The following FANCB variants were observed in gnomAD, a reference collection of about 807,000 sequenced individuals.
The protein encoded by FANCB is Fanconi anemia group B protein.
FANCB carries 5 observed loss-of-function variants against 38.9 expected under a neutral mutation model. The ratio of observed to expected loss-of-function variants is 0.13; its 90% confidence interval spans 0.07 to 0.27. The LOEUF is 0.27. Among genes scored for constraint, FANCB ranks in the 10% least tolerant of loss-of-function variants. FANCB has a pLI of 1.00. For synonymous variants in FANCB, 236 were observed against 215.4 expected (o/e 1.10, Z -0.84); for missense variants, 573 against 602.7 (o/e 0.95, Z 0.52).
chrX:14,841,957 C>A (rs995238282), downstream of FANCB, among the ~76,000 whole-genome samples: 8 of 111,444 alleles, frequency 7.2e-5, no homozygotes, highest in African/African-American at 2.3e-4. Flanking sequence ...ACAATTAAAT[C>A]CTGTTTAGTT....
At chrX:14,739,611 A>T in the FANCB span, among the ~76,000 whole-genome samples, 1 of 112,119 alleles carries the variant, frequency 8.9e-6, no homozygotes, top group Non-Finnish European at 1.9e-5. Flanking sequence ...CATTAATAAC[A>T]TCTTCAGAGT....
At chrX:14,820,866 G>T in the FANCB span, among the ~76,000 whole-genome samples, 1 of 111,388 alleles carries the variant, frequency 9.0e-6, no homozygotes, top group African/African-American at 3.3e-5. Context: ...TGCTATTTTT[G>T]CAACTCATTG....
chrX:14,730,934 ACACACACACACAC>A, the FANCB span: 1 of 101,866 alleles, frequency 9.8e-6, no homozygotes, highest in Non-Finnish European at 2.0e-5. Context: ...ACACACACAC[ACACACACACACAC>A]ACAAACTTCA....
At chrX:14,690,659 T>TTCTC in the FANCB span, 42 of 773,492 alleles carry the variant, frequency 5.4e-5, no homozygotes, top group South Asian at 7.5e-4. Context: ...TAGTCTTTCT[T>TTCTC]TCTCTCTCTC....
chrX:14,803,729 G>A, the FANCB span, among the ~76,000 whole-genome samples: 342 of 110,819 alleles, frequency 3.1e-3, 1 homozygote, highest in African/African-American at 0.01. Flanking sequence ...GTTGGGGGAG[G>A]AGCATCACGT....
At chrX:14,833,185 A>T (rs1174970660), downstream of FANCB, among the ~76,000 whole-genome samples, 1 of 112,501 alleles carries the variant, frequency 8.9e-6, no homozygotes, top group African/African-American at 3.2e-5. Flanking sequence ...TGATGCAGGG[A>T]AATACTTTTG....
At position 14,865,296 on chromosome X, in the gene FANCB, G is replaced by C; in HGVS notation, c.215C>G (p.Ser72Cys). The C allele has an allele frequency of 1.7e-6, 2 of 1,158,639 alleles. No individual in the cohort carries two copies. The highest frequency in any genetic ancestry group is 2.3e-6 in the Non-Finnish European group (2 of 870,780). The change falls in exon 3 of 10, where the codon TCT (serine) becomes TGT (cysteine). Residue 72 changes from serine (S) to cysteine (C), a missense_variant. Transcript: ENST00000650831. ...TGFFTIKEEN[S>C]HLKIMCCNCV... ...GTTGCAACACATGATTTTTAAATGA[G>C]AGTTTTCTTCCTTTATGGTAAAAAA...
chrX:14,706,613 T>TATAATGATATA, the FANCB span, among the ~76,000 whole-genome samples: 3 of 111,887 alleles, frequency 2.7e-5, no homozygotes, highest in African/African-American at 9.7e-5. Flanking sequence ...AGCCTAGGAT[T>TATAATGATATA]ATCATTCTGG....
At chrX:14,693,403 C>T in the FANCB span, among the ~76,000 whole-genome samples, 2 of 111,400 alleles carry the variant, frequency 1.8e-5, no homozygotes, top group African/African-American at 3.3e-5. Flanking sequence ...TCAAAATGAT[C>T]ACTTCAATAG....
At chrX:14,856,755 G>A (rs749817164) in intron 5 of FANCB, among the ~76,000 whole-genome samples, 16 of 111,622 alleles carry the variant, frequency 1.4e-4, no homozygotes, top group African/African-American at 4.2e-4. Context: ...TACAACTAGC[G>A]TGGCCTCCTC....
At chrX:14,868,527 A>T (rs2092480485) in intron 2 of FANCB, among the ~76,000 whole-genome samples, 1 of 111,294 alleles carries the variant, frequency 9.0e-6, no homozygotes, top group Admixed American at 9.6e-5. Context: ...AATTTTTTTT[A>T]AAAGAGTTGC....
At chrX:14,844,399 C>T in intron 9 of FANCB, 104 bp downstream of exon 9, 1 of 612,265 alleles carries the variant, frequency 1.6e-6, no homozygotes, top group Non-Finnish European at 2.8e-6. Context: ...GTATTATTGC[C>T]ATGGCAATAA....
the FANCB span, among the ~76,000 whole-genome samples, chrX:14,776,167 G>A: frequency 1.8e-5 from 2 of 111,541 alleles, no homozygotes; most frequent in African/African-American, 6.5e-5. Context: ...CAGGAATGGT[G>A]GAAATAAAGA....
chrX:14,812,034 G>A, the FANCB span, among the ~76,000 whole-genome samples: 4 of 111,339 alleles, frequency 3.6e-5, no homozygotes, highest in Non-Finnish European at 7.5e-5. Flanking sequence ...TCAACTACAT[G>A]GAAACTGAAC....
chrX:14,830,918 A>G, the FANCB span, among the ~76,000 whole-genome samples: 8 of 112,750 alleles, frequency 7.1e-5, no homozygotes, highest in Non-Finnish European at 1.3e-4. Context: ...ATGATTACAC[A>G]TTTAGTATCA....
chrX:14,721,775 T>C, the FANCB span, among the ~76,000 whole-genome samples: 2 of 111,658 alleles, frequency 1.8e-5, no homozygotes, highest in Non-Finnish European at 3.8e-5. Context: ...AATGGCCTGT[T>C]CTTCAGTTCT....
chrX:14,860,326 C>A (rs1447072366), intron 3 of FANCB, among the ~76,000 whole-genome samples: 1 of 112,219 alleles, frequency 8.9e-6, no homozygotes, highest in South Asian at 3.7e-4. Flanking sequence ...AAAGTTGATT[C>A]TTCACTTGTG....
downstream of FANCB, among the ~76,000 whole-genome samples, chrX:14,831,546 G>A (rs1418238313): frequency 6.3e-5 from 7 of 111,534 alleles, no homozygotes; most frequent in Non-Finnish European, 1.1e-4. Flanking sequence ...GAGGCAAATC[G>A]CTGGTGCTTG....
At chrX:14,762,741 T>C in the FANCB span, among the ~76,000 whole-genome samples, 1 of 111,828 alleles carries the variant, frequency 8.9e-6, no homozygotes, top group Non-Finnish European at 1.9e-5. Flanking sequence ...GAAACCAACA[T>C]CAACACCAGA....
Sources: allele counts gnomAD v4.1 joint callset (sites outside exome capture counted in the v4.1 genomes callset), GRCh38; gene constraint gnomAD v4.1.1; transcripts MANE v1.5; gene names NCBI Gene and HGNC (gene_info 2026-07-23, HGNC 2026-07-21).